SNTG1: variants seen among roughly 807,000 people sequenced by gnomAD.
The protein encoded by SNTG1 is gamma-1-syntrophin.
SNTG1 carries 39 observed loss-of-function variants against 74.7 expected under a neutral mutation model. That is an observed-to-expected ratio of 0.52 (90% CI 0.40 to 0.68). SNTG1 has a LOEUF of 0.68. SNTG1 is among the 30% of genes least tolerant of loss of function. The pLI is 0.00. For synonymous variants in SNTG1, 254 were observed against 217.1 expected, an observed-to-expected ratio of 1.17 and a Z score of -1.49; for missense variants, 685 against 609.5, an observed-to-expected ratio of 1.12 and a Z score of -1.30.
chr8:50,202,795 GT>G (rs60509732), intron 2 of SNTG1, among the ~76,000 whole-genome samples: 18,929 of 133,130 alleles, frequency 0.14, 3,828 homozygotes, highest in African/African-American at 0.45. Context: ...TCTTTGTTTT[GT>G]TTTTTTTTTT....
chr8:50,590,772 G>T, intron 12 of SNTG1, 107 bp from the exon 13 acceptor site: 1 of 601,452 alleles, frequency 1.7e-6, no homozygotes. Flanking sequence ...ATCAAAATAG[G>T]ATATTAGTAT....
intron 4 of SNTG1, among the ~76,000 whole-genome samples, chr8:50,424,252 C>T (rs1029686888): frequency 6.6e-6 from 1 of 152,088 alleles, no homozygotes; most frequent in Non-Finnish European, 1.5e-5. Context: ...AATACAGAAC[C>T]TAGGTCTGTA....
intron 9 of SNTG1, among the ~76,000 whole-genome samples, chr8:50,511,633 A>C (rs574176175): frequency 6.6e-6 from 1 of 152,076 alleles, no homozygotes; most frequent in Admixed American, 6.6e-5. Flanking sequence ...GGATAGTTAG[A>C]TCTTCTTGTT....
At chr8:49,946,534 T>C (rs563981130) in intron 1 of SNTG1, among the ~76,000 whole-genome samples, 43 of 152,348 alleles carry the variant, frequency 2.8e-4, no homozygotes, top group African/African-American at 8.7e-4. Flanking sequence ...CAGTAGCTTT[T>C]ATATTATAGA....
At position 50,421,146 on chromosome 8, in the gene SNTG1, G is replaced by T. The variant is rs550036133; in HGVS notation, c.163-17397G>T. The stretch of plus-strand genomic sequence containing the variant: ...AATGCTAACACTGTTACCAGAAAAG[G>T]GTACCAATCCATACCCCAAGAGAGG... On this transcript the variant is annotated intron_variant, in intron 4 of 18. Coordinates refer to ENST00000642720, the MANE Select transcript of SNTG1 (RefSeq NM_018967.5). Among the ~76,000 whole-genome samples, 4 of 151,784 alleles carry T rather than the reference G, an allele frequency of 2.6e-5. 1 individual carries two copies. The South Asian group carries it at 8.3e-4, about 32-fold the overall frequency.
rs895428019 is a variant in SNTG1, at chr8:50,238,870, T to A, written c.-28+66235T>A. Reference sequence around the variant, plus strand: ...CACTTCCCAAAAGAAGAAATACACATGAACAACAAGCATATAAAAAATGCT... The same window carrying A: ...CACTTCCCAAAAGAAGAAATACACAAGAACAACAAGCATATAAAAAATGCT... On this transcript the variant is annotated intron_variant, in intron 2 of 18. Coordinates refer to ENST00000642720, the MANE Select transcript of SNTG1 (RefSeq NM_018967.5). 3.9e-5 allele frequency among the ~76,000 whole-genome samples: 6 copies of A among 151,976 alleles called. No individual in the cohort carries two copies. In the East Asian group the frequency reaches 1.2e-3, roughly 29 times the overall value.
At chr8:50,247,019 T>G (rs1240045609) in intron 2 of SNTG1, among the ~76,000 whole-genome samples, 9 of 152,204 alleles carry the variant, frequency 5.9e-5, no homozygotes, top group Non-Finnish European at 1.3e-4. Context: ...ACAAAGGGCT[T>G]GTCACCCACT....
chr8:50,697,958 T>C (rs2095410791), intron 15 of SNTG1, among the ~76,000 whole-genome samples: 2 of 152,172 alleles, frequency 1.3e-5, no homozygotes, highest in African/African-American at 4.8e-5. Flanking sequence ...GTATAATAAG[T>C]TAGGGAGAAA....
At chr8:50,743,736 C>G (rs2095548971) in intron 17 of SNTG1, among the ~76,000 whole-genome samples, 1 of 151,758 alleles carries the variant, frequency 6.6e-6, no homozygotes, top group Non-Finnish European at 1.5e-5. Context: ...CAACTACACA[C>G]ACAAACACAC....
At chr8:50,183,632 A>G (rs866320918) in intron 2 of SNTG1, among the ~76,000 whole-genome samples, 1 of 152,104 alleles carries the variant, frequency 6.6e-6, no homozygotes, top group African/African-American at 2.4e-5. Context: ...TTCCCACAGC[A>G]CATCTGGAAA....
At chr8:50,782,084 G>A (rs572082040) in intron 18 of SNTG1, among the ~76,000 whole-genome samples, 28 of 152,208 alleles carry the variant, frequency 1.8e-4, no homozygotes, top group Admixed American at 3.3e-4. Context: ...ACTGTTAGTC[G>A]GATGGGCTTC....
At chr8:49,923,445 G>A (rs138376059) in intron 1 of SNTG1, among the ~76,000 whole-genome samples, 516 of 152,082 alleles carry the variant, frequency 3.4e-3, no homozygotes, top group Non-Finnish European at 5.5e-3. Context: ...TTCTTCTGAG[G>A]AGAATTAACA....
intron 1 of SNTG1, among the ~76,000 whole-genome samples, chr8:50,158,987 T>A (rs1271703719): frequency 6.6e-6 from 1 of 152,176 alleles, no homozygotes; most frequent in Non-Finnish European, 1.5e-5. Context: ...GCATTTATTG[T>A]CTGTGTTTGC....
In SNTG1 at chr8:50,357,211, G is replaced by A. The variant is rs11991343; in HGVS notation, c.-27-37001G>A. Among the ~76,000 whole-genome samples the A allele has an allele frequency of 9.2e-3, 1,405 of 152,168 alleles. 25 individuals carry two copies. The highest frequency in any genetic ancestry group is 0.032 in the African/African-American group (1,331 of 41,542). Reference sequence around the variant, plus strand: ...CAGTCACCAGGGCTCTGCAAATGAGGTTGTGCTTCTCCCTGGGGTCTCCCC... The same window carrying A: ...CAGTCACCAGGGCTCTGCAAATGAGATTGTGCTTCTCCCTGGGGTCTCCCC... On this transcript the variant is annotated intron_variant, in intron 2 of 18. Coordinates refer to ENST00000642720, the MANE Select transcript of SNTG1 (RefSeq NM_018967.5).
At chr8:50,359,214 G>A (rs1459432866) in intron 2 of SNTG1, among the ~76,000 whole-genome samples, 2 of 152,170 alleles carry the variant, frequency 1.3e-5, no homozygotes, top group Admixed American at 6.5e-5. Context: ...GTCTTCCTCT[G>A]AGTTCAGCTC....
intron 4 of SNTG1, among the ~76,000 whole-genome samples, chr8:50,422,644 A>T (rs1041909274): frequency 3.3e-5 from 5 of 152,038 alleles, no homozygotes; most frequent in African/African-American, 1.2e-4. Flanking sequence ...TTGATCAGGT[A>T]ATGTGTGAGA....
intron 1 of SNTG1, among the ~76,000 whole-genome samples, chr8:49,997,829 T>C (rs1814374795): frequency 6.6e-6 from 1 of 152,190 alleles, no homozygotes; most frequent in Admixed American, 6.6e-5. Context: ...TGGTTTCATG[T>C]CTTTAGAGAT....
At chr8:50,245,312 G>C (rs1335539689) in intron 2 of SNTG1, among the ~76,000 whole-genome samples, 1 of 152,170 alleles carries the variant, frequency 6.6e-6, no homozygotes, top group African/African-American at 2.4e-5. Flanking sequence ...AGATTCTTTG[G>C]TTTCTTCTGC....
intron 1 of SNTG1, among the ~76,000 whole-genome samples, chr8:50,024,743 C>A (rs1459616967): frequency 6.6e-6 from 1 of 152,032 alleles, no homozygotes; most frequent in Non-Finnish European, 1.5e-5. Context: ...GTCTCTCTCT[C>A]GAGATATTTT....
Sources: allele counts gnomAD v4.1 joint callset (sites outside exome capture counted in the v4.1 genomes callset), GRCh38; gene constraint gnomAD v4.1.1; transcripts MANE v1.5; gene names NCBI Gene and HGNC (gene_info 2026-07-23, HGNC 2026-07-21).